B3GALNT2: variants seen among roughly 807,000 people sequenced by gnomAD.
B3GALNT2 encodes beta-1,3-N-acetylgalactosaminyltransferase 2, also known as UDP-GalNAc:beta-1,3-N-acetylgalactosaminyltransferase 2.
In B3GALNT2, 53 loss-of-function variants were observed where a neutral mutation model predicts 61.1. The observed-to-expected ratio is 0.87, with a 90% CI of 0.70 to 1.09. B3GALNT2 has a LOEUF of 1.09. Among genes scored for constraint, B3GALNT2 ranks in the 50% least tolerant of loss-of-function variants. The pLI is 0.00. For synonymous variants in B3GALNT2, 223 were observed against 237.4 expected (o/e 0.94, Z 0.56); for missense variants, 544 against 623.0 (o/e 0.87, Z 1.35).
In B3GALNT2 at chr1:235,449,025, T is replaced by C; in HGVS notation, c.*1181A>G. ...TACAGCTCATCACTGCATTTCATGA[T>C]AAGATTTAAATATTAAATAGAAAGA... On this transcript the variant is annotated 3_prime_UTR_variant, in exon 12 of 12. Transcript: ENST00000366600. The C allele has an allele frequency of 2.6e-6, 1 of 378,108 alleles. No individual in the cohort carries two copies. The highest frequency in any genetic ancestry group is 5.0e-6 in the Non-Finnish European group (1 of 200,164). 23.4% of individuals were successfully genotyped at this position (378,108 alleles called of 1,614,324 possible).
chr1:235,452,548 T>A (rs1682971591), intron 11 of B3GALNT2: 1 of 11,994 alleles, frequency 8.3e-5, no homozygotes, highest in East Asian at 1.8e-3. Flanking sequence ...AATCCAAAAC[T>A]TTTTTTTTTT....
downstream of B3GALNT2, among the ~76,000 whole-genome samples, chr1:235,445,436 C>G (rs559725933): frequency 5.1e-4 from 78 of 152,222 alleles, no homozygotes; most frequent in Middle Eastern, 0.014. Flanking sequence ...CGAGACCAGC[C>G]TGAGCAACAT....
At chr1:235,487,654 G>T (rs1285353105) in intron 3 of B3GALNT2, among the ~76,000 whole-genome samples, 2 of 152,160 alleles carry the variant, frequency 1.3e-5, no homozygotes, top group Non-Finnish European at 2.9e-5. Flanking sequence ...AGACTTGGAA[G>T]TATAACCTCC....
chr1:235,494,954 G>T, intron 1 of B3GALNT2, 126 bp from the exon 2 acceptor site: 3 of 1,019,492 alleles, frequency 2.9e-6, no homozygotes, highest in Non-Finnish European at 4.1e-6. Context: ...ACAAAGAAAA[G>T]AATTTTTAAA....
Position 235,447,673 on chromosome 1 carries a change from G to C in B3GALNT2, c.*2533C>G, listed in dbSNP as rs1682481478. Reference sequence around the variant, plus strand: ...CCAGTGTTCGTTCAGTAATTCATAAGGAAGTCATCATAAAGGTTTAAAAAG... The same window carrying C: ...CCAGTGTTCGTTCAGTAATTCATAACGAAGTCATCATAAAGGTTTAAAAAG... On this transcript the variant is annotated 3_prime_UTR_variant, in exon 12 of 12. Coordinates refer to ENST00000366600, the MANE Select transcript of B3GALNT2 (RefSeq NM_152490.5). Among the ~76,000 whole-genome samples the C allele has an allele frequency of 6.6e-6, 1 of 152,196 alleles. No individual in the cohort carries two copies. Among genetic ancestry groups the C allele is most frequent in the Non-Finnish European group, 1.5e-5 (1 of 68,046 alleles).
At chr1:235,498,991 C>T (rs1463367635) in intron 1 of B3GALNT2, among the ~76,000 whole-genome samples, 1 of 150,964 alleles carries the variant, frequency 6.6e-6, no homozygotes, top group African/African-American at 2.4e-5. Flanking sequence ...ATTCTAAGAA[C>T]TCATTCTAAA....
intron 5 of B3GALNT2, 35 bp downstream of exon 5, chr1:235,480,019 C>T (rs769846043): frequency 6.2e-7 from 1 of 1,611,756 alleles, no homozygotes; most frequent in South Asian, 1.1e-5. Flanking sequence ...TGAAGGACTG[C>T]ATTGGTACTA....
intron 1 of B3GALNT2, among the ~76,000 whole-genome samples, chr1:235,503,243 T>G (rs181994903): frequency 6.6e-6 from 1 of 152,350 alleles, no homozygotes; most frequent in East Asian, 1.9e-4. Flanking sequence ...AAATTAAGTA[T>G]TACATAATAT....
At position 235,504,216 on chromosome 1, in the gene B3GALNT2, G is replaced by A; in HGVS notation, c.37C>T (p.Leu13Phe). 1.4e-6 allele frequency: 2 copies of A among 1,464,498 alleles called. No homozygotes were observed. The highest frequency in any genetic ancestry group is 1.8e-6 in the Non-Finnish European group (2 of 1,115,188). 90.7% of individuals were successfully genotyped at this position (1,464,498 alleles called of 1,614,324 possible). A position where few individuals can be genotyped will look rare whatever the true frequency, so the allele number is the denominator to read the frequency against. ...NWLVLLCPCV[L>F]GAALHLWLRL... ...AGCCAGAGGTGCAGCGCGGCCCCGA[G>A]CACACACGGGCACAGCAGCACCAGC... The change falls in exon 1 of 12, where the codon CTC (leucine) becomes TTC (phenylalanine). Residue 13 changes from leucine (L) to phenylalanine (F), a missense_variant. Physicochemically the swap from Leu to Phe is conservative, Grantham distance 22 (BLOSUM62 0). Coordinates refer to ENST00000366600, the MANE Select transcript of B3GALNT2 (RefSeq NM_152490.5).
chr1:235,474,979 A>G (rs1186810102), intron 5 of B3GALNT2, among the ~76,000 whole-genome samples: 1 of 33,710 alleles, frequency 3.0e-5, no homozygotes, highest in African/African-American at 1.9e-4. Context: ...ATATATATAT[A>G]TATATATATT....
At position 235,484,384 on chromosome 1, in the gene B3GALNT2, C is replaced by A. The variant is rs377646173; in HGVS notation, c.493G>T (p.Asp165Tyr). 1 of 1,614,154 alleles carries A rather than the reference C, an allele frequency of 6.2e-7. No homozygotes were observed. The highest frequency in any genetic ancestry group is 2.2e-5 in the East Asian group (1 of 44,886). The change falls in exon 4 of 12, where the codon GAT becomes TAT. Residue 165 changes from aspartate to tyrosine, a missense_variant. Coordinates refer to ENST00000366600, the MANE Select transcript of B3GALNT2 (RefSeq NM_152490.5). ...CTCTGGAAACCCACATCATTGGCAT[C>A]GTAGAACACTCCAAGACTGGTAATA... The part of the protein sequence containing the change: ...IVITSLGVFY[D>Y]ANDVGFQRNI...
intron 1 of B3GALNT2, among the ~76,000 whole-genome samples, chr1:235,503,658 C>G (rs947060107): frequency 1.3e-5 from 2 of 152,202 alleles, no homozygotes; most frequent in African/African-American, 4.8e-5. Context: ...TCCTTAAAAG[C>G]AAAACCGAGC....
In B3GALNT2 at chr1:235,447,759, CAGATTA is replaced by C. The variant is rs1682496457; in HGVS notation, c.*2441_*2446del. 6.6e-6 allele frequency among the ~76,000 whole-genome samples: 1 copy of C among 152,112 alleles called. No homozygotes were observed. The highest frequency in any genetic ancestry group is 2.1e-4 in the South Asian group (1 of 4,824). On this transcript the variant is annotated 3_prime_UTR_variant, in exon 12 of 12. Transcript: ENST00000366600. ...GCTGAGAGTATCATTCTGGTTTATT[CAGATTA>C]AGAAAGAAATACACTACTGAAATGG...
At chr1:235,454,415 G>T in intron 9 of B3GALNT2, 100 bp from the exon 10 acceptor site, 1 of 1,161,436 alleles carries the variant, frequency 8.6e-7, no homozygotes, top group Non-Finnish European at 1.2e-6. Flanking sequence ...GAATAAGCTT[G>T]TAGAAGTGAG....
chr1:235,485,179 C>A (rs1357115777), intron 3 of B3GALNT2, among the ~76,000 whole-genome samples: 1 of 152,136 alleles, frequency 6.6e-6, no homozygotes, highest in African/African-American at 2.4e-5. Context: ...GAAACTGAGG[C>A]CCAAAATTAA....
rs780433836 is a variant in B3GALNT2, at chr1:235,465,715, C to A, written c.763-1G>T. On this transcript the variant is annotated splice_acceptor_variant, in intron 6 of 11. Coordinates refer to ENST00000366600, the MANE Select transcript of B3GALNT2 (RefSeq NM_152490.5). LOFTEE classifies it high-confidence loss of function. Reference sequence around the variant, plus strand: ...CATGAGGCAATGCACCCTCCCCAGCCTGAAAGGAATAAGAATGTACTCAGT... The same window carrying A: ...CATGAGGCAATGCACCCTCCCCAGCATGAAAGGAATAAGAATGTACTCAGT... 10 of 1,613,646 alleles carry A rather than the reference C, an allele frequency of 6.2e-6. No individual in the cohort carries two copies. The highest frequency in any genetic ancestry group is 7.6e-6 in the Non-Finnish European group (9 of 1,179,882).
chr1:235,503,616 C>T (rs190329232), intron 1 of B3GALNT2, among the ~76,000 whole-genome samples: 16 of 152,354 alleles, frequency 1.1e-4, no homozygotes, highest in African/African-American at 3.8e-4. Context: ...TCCAAGAATA[C>T]GAACTACAGT....
intron 5 of B3GALNT2, 94 bp from the exon 6 acceptor site, chr1:235,471,054 T>C: frequency 6.5e-7 from 1 of 1,545,024 alleles, no homozygotes; most frequent in South Asian, 1.2e-5. Flanking sequence ...AGAAAATTTT[T>C]CCCAAAACGT....
At chr1:235,469,309 T>C (rs1361530946) in intron 6 of B3GALNT2, among the ~76,000 whole-genome samples, 1 of 152,256 alleles carries the variant, frequency 6.6e-6, no homozygotes, top group Non-Finnish European at 1.5e-5. Flanking sequence ...AGTACATTCC[T>C]AATCATTGGA....
Sources: allele counts gnomAD v4.1 joint callset (sites outside exome capture counted in the v4.1 genomes callset), GRCh38; gene constraint gnomAD v4.1.1; transcripts MANE v1.5; gene names NCBI Gene and HGNC (gene_info 2026-07-23, HGNC 2026-07-21).